The following NRG1 variants were observed in gnomAD, a reference collection of about 807,000 sequenced individuals.
NRG1 encodes the protein pro-neuregulin-1, membrane-bound isoform.
Under a neutral mutation model 63.8 loss-of-function variants are expected in NRG1, and 18 were observed. That is an observed-to-expected ratio of 0.28 (90% confidence interval 0.19 to 0.42). The LOEUF is 0.42. Ranked by LOEUF, NRG1 falls within the 10% of genes least tolerant of loss-of-function variation. NRG1 has a pLI of 1.00. For missense variants in NRG1, 762 were observed against 814.7 expected, an observed-to-expected ratio of 0.94 and a Z score of 0.79; for synonymous variants, 302 against 301.3, an observed-to-expected ratio of 1.00 and a Z score of -0.02.
At position 31,682,112 on chromosome 8, in the gene NRG1, C is replaced by G. The variant is rs1039035237; in HGVS notation, c.37+42681C>G. On this transcript the variant is annotated intron_variant, in intron 1 of 10. Transcript: ENST00000519301. ...AGCCTATGTGCTCTGCCTATTCATC[C>G]CTCTCTTCCCACTAAAACCTGGCAA... 3.7e-4 allele frequency among the ~76,000 whole-genome samples: 56 copies of G among 152,224 alleles called. 2 individuals are homozygous for G. The highest frequency in any genetic ancestry group is 1.3e-3 in the African/African-American group (52 of 41,526).
At chr8:32,482,683 G>T (rs117798241) in intron 1 of NRG1, among the ~76,000 whole-genome samples, 1,823 of 152,206 alleles carry the variant, frequency 0.012, 17 homozygotes, top group Middle Eastern at 0.031. Context: ...AACAGGGGAC[G>T]GGTGCTGACA....
intron 1 of NRG1, among the ~76,000 whole-genome samples, chr8:31,764,265 C>T (rs567077696): frequency 2.6e-5 from 4 of 152,010 alleles, no homozygotes; most frequent in Admixed American, 2.0e-4. Flanking sequence ...TTTGCCCCAA[C>T]GGTGATATCT....
At chr8:31,821,474 G>T (rs937652788) in intron 1 of NRG1, among the ~76,000 whole-genome samples, 1 of 152,046 alleles carries the variant, frequency 6.6e-6, no homozygotes, top group African/African-American at 2.4e-5. Flanking sequence ...TCCCACTTTG[G>T]CTGAGTTTAA....
intron 1 of NRG1, among the ~76,000 whole-genome samples, chr8:32,487,369 A>G (rs2129494191): frequency 6.6e-6 from 1 of 152,258 alleles, no homozygotes; most frequent in East Asian, 1.9e-4. Flanking sequence ...TTGACTTCTT[A>G]AGTCTTACAG....
chr8:32,126,301 A>G (rs1834057832), intron 1 of NRG1, among the ~76,000 whole-genome samples: 1 of 151,896 alleles, frequency 6.6e-6, no homozygotes, highest in Admixed American at 6.6e-5. Context: ...TTAAGATGCT[A>G]TTGGGCAACA....
intron 1 of NRG1, among the ~76,000 whole-genome samples, chr8:32,306,287 G>T (rs1279447612): frequency 6.6e-6 from 1 of 152,152 alleles, no homozygotes; most frequent in Non-Finnish European, 1.5e-5. Context: ...AAAAGCCCAG[G>T]CCAGTTTCTT....
At chr8:32,437,452 T>G (rs994935076) in intron 1 of NRG1, among the ~76,000 whole-genome samples, 3 of 152,214 alleles carry the variant, frequency 2.0e-5, no homozygotes, top group Admixed American at 6.6e-5. Context: ...TTTACCTCTG[T>G]CTTGCCTCCA....
chr8:31,987,481 T>A (rs568590754), intron 1 of NRG1, among the ~76,000 whole-genome samples: 2 of 151,762 alleles, frequency 1.3e-5, no homozygotes, highest in East Asian at 3.9e-4. Context: ...CCTCAGTAAA[T>A]TGAGGCAGAA....
intron 1 of NRG1, among the ~76,000 whole-genome samples, chr8:32,019,279 T>C (rs566443632): frequency 7.9e-5 from 12 of 152,318 alleles, no homozygotes; most frequent in African/African-American, 2.9e-4. Flanking sequence ...TTTGTATTTT[T>C]AGTACAGACG....
chr8:32,679,181 A>G (rs559178012), intron 5 of NRG1, among the ~76,000 whole-genome samples: 35 of 152,278 alleles, frequency 2.3e-4, no homozygotes, highest in African/African-American at 7.9e-4. Flanking sequence ...TAAGCTATCT[A>G]TTCTAGACAA....
intron 1 of NRG1, among the ~76,000 whole-genome samples, chr8:32,421,661 T>C (rs1435997927): frequency 1.3e-5 from 2 of 152,158 alleles, no homozygotes; most frequent in Admixed American, 6.5e-5. Context: ...TGTGCACCAA[T>C]AGGCCACAGA....
At chr8:31,646,182 G>A (rs1804269871) in intron 1 of NRG1, among the ~76,000 whole-genome samples, 1 of 152,180 alleles carries the variant, frequency 6.6e-6, no homozygotes, top group African/African-American at 2.4e-5. Context: ...CTAGTTCAGA[G>A]GCTTTCTCTC....
intron 1 of NRG1, among the ~76,000 whole-genome samples, chr8:32,069,247 G>A (rs1449492261): frequency 2.0e-5 from 3 of 152,168 alleles, no homozygotes; most frequent in Admixed American, 2.0e-4. Flanking sequence ...AAGAGTAGTA[G>A]ATGAATTATA....
At position 32,622,315 on chromosome 8, in the gene NRG1, T is replaced by A. The variant is rs543059033; in HGVS notation, c.502+5430T>A. ...TAAAAGAAATAAATTCTGGTGCTGC[T>A]AATTACCGTATAATTTTAAACAAAT... On this transcript the variant is annotated intron_variant, in intron 5 of 11. Transcript: ENST00000356819. Among the ~76,000 whole-genome samples the A allele has an allele frequency of 4.8e-4, 73 of 152,304 alleles. 1 individual carries two copies. Among genetic ancestry groups the A allele is most frequent in the African/African-American group, 1.6e-3 (67 of 41,584 alleles).
chr8:31,681,463 G>A (rs896348656), intron 1 of NRG1, among the ~76,000 whole-genome samples: 2 of 151,876 alleles, frequency 1.3e-5, no homozygotes, highest in Non-Finnish European at 2.9e-5. Context: ...ACATTTAAAT[G>A]ACAATGACAT....
chr8:32,170,710 AC>A (rs1176740502), intron 1 of NRG1, among the ~76,000 whole-genome samples: 4 of 152,338 alleles, frequency 2.6e-5, no homozygotes, highest in African/African-American at 4.8e-5. Flanking sequence ...TGATGGCCAA[AC>A]AAAGAAGGTT....
At chr8:32,322,627 G>A (rs563391236) in intron 1 of NRG1, among the ~76,000 whole-genome samples, 157 of 152,048 alleles carry the variant, frequency 1.0e-3, no homozygotes, top group African/African-American at 3.6e-3. Flanking sequence ...TGTGGAGATC[G>A]TGTCACTGCT....
intron 2 of NRG1, among the ~76,000 whole-genome samples, chr8:32,597,159 T>C (rs1201347928): frequency 6.6e-6 from 1 of 152,188 alleles, no homozygotes; most frequent in African/African-American, 2.4e-5. Flanking sequence ...AACTCAAAGA[T>C]GATATTTTCT....
At chr8:32,431,678 A>G (rs1156949731) in intron 1 of NRG1, among the ~76,000 whole-genome samples, 2 of 152,186 alleles carry the variant, frequency 1.3e-5, no homozygotes, top group Non-Finnish European at 2.9e-5. Flanking sequence ...TTCACAACAC[A>G]AAATATTTTA....
Sources: allele counts gnomAD v4.1 joint callset (sites outside exome capture counted in the v4.1 genomes callset), GRCh38; gene constraint gnomAD v4.1.1; transcripts MANE v1.5; gene names NCBI Gene and HGNC (gene_info 2026-07-23, HGNC 2026-07-21).